The following CDKAL1 variants were observed in gnomAD, a reference collection of about 807,000 sequenced individuals.
The protein encoded by CDKAL1 is threonylcarbamoyladenosine tRNA methylthiotransferase.
In CDKAL1, 32 loss-of-function variants were observed where a neutral mutation model predicts 68.2. The observed-to-expected ratio is 0.47, with a 90% confidence interval of 0.35 to 0.63. CDKAL1 has a LOEUF of 0.63. CDKAL1 is among the 30% of genes least tolerant of loss of function. CDKAL1 has a pLI of 0.00. For synonymous variants in CDKAL1, 234 were observed against 244.3 expected (o/e 0.96, Z 0.39); for missense variants, 606 against 696.7 (o/e 0.87, Z 1.47).
chr6:20,706,059 C>T (rs1771579810), intron 5 of CDKAL1, among the ~76,000 whole-genome samples: 2 of 152,100 alleles, frequency 1.3e-5, no homozygotes, highest in Admixed American at 6.5e-5. Flanking sequence ...ATGATGAGGG[C>T]CGTCCTTGAC....
chr6:20,889,718 ATC>A (rs1761284577), intron 9 of CDKAL1, among the ~76,000 whole-genome samples: 1 of 152,056 alleles, frequency 6.6e-6, no homozygotes, highest in African/African-American at 2.4e-5. Flanking sequence ...ATTGGTCTAT[ATC>A]TCTGTTTTGG....
At chr6:20,673,927 TAC>T (rs1769969188) in intron 5 of CDKAL1, among the ~76,000 whole-genome samples, 1 of 152,224 alleles carries the variant, frequency 6.6e-6, no homozygotes, top group Admixed American at 6.5e-5. Flanking sequence ...ACACGATGGA[TAC>T]AGATACCTTG....
At chr6:21,022,820 T>G (rs187326957) in intron 11 of CDKAL1, among the ~76,000 whole-genome samples, 1 of 152,336 alleles carries the variant, frequency 6.6e-6, no homozygotes, top group African/African-American at 2.4e-5. Context: ...CATTTCTAAC[T>G]TTTGTTGGTG....
At chr6:20,693,022 C>T (rs1371226391) in intron 5 of CDKAL1, among the ~76,000 whole-genome samples, 3 of 148,216 alleles carry the variant, frequency 2.0e-5, no homozygotes, top group South Asian at 2.2e-4. Context: ...CCCAGCTACT[C>T]GGGAGGCTGA....
At chr6:20,802,390 C>T (rs540158043) in intron 8 of CDKAL1, among the ~76,000 whole-genome samples, 1 of 151,528 alleles carries the variant, frequency 6.6e-6, no homozygotes, top group Admixed American at 6.6e-5. Flanking sequence ...CTTCATATTA[C>T]TTTCTAAAAT....
At chr6:20,638,588 T>C (rs1768011339) in intron 4 of CDKAL1, among the ~76,000 whole-genome samples, 1 of 150,726 alleles carries the variant, frequency 6.6e-6, no homozygotes, top group Admixed American at 6.7e-5. Context: ...TTTTTTGACT[T>C]ACAGAAATAG....
intron 13 of CDKAL1, among the ~76,000 whole-genome samples, chr6:21,156,708 A>G (rs1776665573): frequency 1.3e-5 from 2 of 152,142 alleles, no homozygotes; most frequent in South Asian, 2.1e-4. Flanking sequence ...ATAGTGAGAC[A>G]TGGATCAACT....
intron 8 of CDKAL1, among the ~76,000 whole-genome samples, chr6:20,819,095 A>G (rs1777167984): frequency 6.6e-6 from 1 of 152,070 alleles, no homozygotes; most frequent in African/African-American, 2.4e-5. Flanking sequence ...TGGGAGTACC[A>G]TTTTCACATG....
At chr6:20,895,019 C>T (rs1332006451) in intron 9 of CDKAL1, among the ~76,000 whole-genome samples, 1 of 152,128 alleles carries the variant, frequency 6.6e-6, no homozygotes, top group Non-Finnish European at 1.5e-5. Context: ...TTCTCTTCAC[C>T]TGCTGCTCTA....
At chr6:21,120,882 T>C (rs926959465) in intron 13 of CDKAL1, among the ~76,000 whole-genome samples, 1 of 152,210 alleles carries the variant, frequency 6.6e-6, no homozygotes, top group Non-Finnish European at 1.5e-5. Flanking sequence ...GCATCTGATG[T>C]TTTTGGTCTT....
intron 11 of CDKAL1, among the ~76,000 whole-genome samples, chr6:21,062,690 A>G (rs1249917408): frequency 2.0e-5 from 3 of 152,200 alleles, no homozygotes; most frequent in Non-Finnish European, 4.4e-5. Flanking sequence ...ATTAGGAACA[A>G]AATATTTTAA....
At chr6:20,979,770 A>T (rs1330971597) in intron 10 of CDKAL1, among the ~76,000 whole-genome samples, 1 of 116,662 alleles carries the variant, frequency 8.6e-6, no homozygotes, top group Non-Finnish European at 1.7e-5. Context: ...TTTTCATAGT[A>T]TCTTTTTTTT....
At chr6:20,993,238 G>A (rs1766932845) in intron 10 of CDKAL1, among the ~76,000 whole-genome samples, 1 of 151,882 alleles carries the variant, frequency 6.6e-6, no homozygotes, top group Non-Finnish European at 1.5e-5. Context: ...ATTTTGAATG[G>A]ATAAATTGTA....
chr6:20,964,822 A>G (rs1313145500), intron 10 of CDKAL1, among the ~76,000 whole-genome samples: 2 of 152,174 alleles, frequency 1.3e-5, no homozygotes, highest in Non-Finnish European at 2.9e-5. Context: ...AAAACTTCTG[A>G]ACTTCTCAAC....
At chr6:20,896,103 C>CTTTTTT (rs777787310) in intron 9 of CDKAL1, among the ~76,000 whole-genome samples, 122 of 90,116 alleles carry the variant, frequency 1.4e-3, no homozygotes, top group Middle Eastern at 6.9e-3. Flanking sequence ...CTTTTCTTTT[C>CTTTTTT]TTTTTTTTTT....
Position 20,781,193 on chromosome 6 carries a change from T to C in CDKAL1, c.566T>C (p.Leu189Pro). 2 of 1,613,956 alleles carry C rather than the reference T, an allele frequency of 1.2e-6. No individual in the cohort carries two copies. Among genetic ancestry groups the C allele is most frequent in the Non-Finnish European group, 1.7e-6 (2 of 1,179,904 alleles). The change falls in exon 8 of 16, where the codon CTT (leucine) becomes CCT (proline). Residue 189 changes from leucine (L) to proline (P), a missense_variant. Coordinates refer to ENST00000274695, the MANE Select transcript of CDKAL1 (RefSeq NM_017774.3). ...LGQKKDNGRR[L>P]GGARLDLPKI... ...CAGAAAAAGGATAATGGAAGGCGGC[T>C]TGGGGGAGCACGATTGGATTTGCCG...
chr6:21,129,174 A>G (rs1394054136), intron 13 of CDKAL1, among the ~76,000 whole-genome samples: 1 of 152,240 alleles, frequency 6.6e-6, no homozygotes, highest in Non-Finnish European at 1.5e-5. Context: ...AATAATAATT[A>G]TAAATTCTAT....
At chr6:20,929,967 T>C (rs1763355669) in intron 9 of CDKAL1, among the ~76,000 whole-genome samples, 1 of 152,248 alleles carries the variant, frequency 6.6e-6, no homozygotes, top group African/African-American at 2.4e-5. Flanking sequence ...TTTTCTTTTT[T>C]CCTTTAATTT....
chr6:21,017,201 C>T lies in CDKAL1; in HGVS notation c.1055+16829C>T, dbSNP rs142815724. Among the ~76,000 whole-genome samples, 63 of 152,282 alleles carry T rather than the reference C, an allele frequency of 4.1e-4. No homozygotes were observed. In the East Asian group the frequency reaches 7.3e-3, roughly 18 times the overall value. ...CTCTCCTACAGACTCCCCCATATAA[C>T]ATAAGGAGTATTTTTGTGTGTATGT... On this transcript the variant is annotated intron_variant, in intron 11 of 15. Transcript: ENST00000274695.
Sources: gnomAD v4.1 joint callset for allele counts (sites outside exome capture counted in the v4.1 genomes callset) on GRCh38, gnomAD v4.1.1 for gene constraint, MANE v1.5 for transcripts, NCBI Gene and HGNC (gene_info 2026-07-23, HGNC 2026-07-21) for gene names.